The following ZFAND3 variants were observed in gnomAD, a reference collection of about 807,000 sequenced individuals.
ZFAND3 encodes AN1-type zinc finger protein 3.
Under a neutral mutation model 29.6 loss-of-function variants are expected in ZFAND3, and 10 were observed. That is an observed-to-expected ratio of 0.34 (90% CI 0.21 to 0.57). The LOEUF is 0.57. ZFAND3 is among the 20% of genes least tolerant of loss of function. The pLI, the probability that ZFAND3 is intolerant of heterozygous loss-of-function variation, is 0.86. For missense variants in ZFAND3, 230 were observed against 304.5 expected (o/e 0.76, Z 1.82); for synonymous variants, 128 against 112.6 (o/e 1.14, Z -0.87).
chr6:38,128,787 T>C (rs1203027150), intron 5 of ZFAND3, among the ~76,000 whole-genome samples: 1 of 152,208 alleles, frequency 6.6e-6, no homozygotes, highest in African/African-American at 2.4e-5. Flanking sequence ...CAATTGCAAA[T>C]TGTGCTACCA....
intron 2 of ZFAND3, among the ~76,000 whole-genome samples, chr6:38,059,081 C>T (rs562234242): frequency 1.2e-4 from 18 of 152,140 alleles, no homozygotes; most frequent in African/African-American, 3.4e-4. Context: ...CATAGAGTAG[C>T]GTTAGATTTT....
At chr6:38,137,678 AG>A (rs1765868357) in intron 5 of ZFAND3, among the ~76,000 whole-genome samples, 2 of 152,154 alleles carry the variant, frequency 1.3e-5, no homozygotes, top group Admixed American at 6.5e-5. Context: ...GATAAGGGAA[AG>A]GGGGAGCTGC....
At chr6:37,844,353 C>T (rs1258689265) in intron 1 of ZFAND3, among the ~76,000 whole-genome samples, 2 of 152,120 alleles carry the variant, frequency 1.3e-5, no homozygotes, top group African/African-American at 2.4e-5. Context: ...GCAATCTTGG[C>T]TCACTGCAAG....
At chr6:38,067,702 G>T (rs888699480) in intron 3 of ZFAND3, among the ~76,000 whole-genome samples, 1 of 152,208 alleles carries the variant, frequency 6.6e-6, no homozygotes, top group Non-Finnish European at 1.5e-5. Context: ...ATGCCAGGTT[G>T]TAGTTAGAAC....
intron 1 of ZFAND3, among the ~76,000 whole-genome samples, chr6:37,864,583 C>T (rs1764550602): frequency 6.6e-6 from 1 of 151,942 alleles, no homozygotes; most frequent in Non-Finnish European, 1.5e-5. Flanking sequence ...TCCTGTGGAA[C>T]ATGATGAGAA....
chr6:37,886,453 C>G (rs375803669), intron 1 of ZFAND3, among the ~76,000 whole-genome samples: 2 of 152,222 alleles, frequency 1.3e-5, no homozygotes, highest in South Asian at 4.1e-4. Flanking sequence ...TTTGTTAGAA[C>G]ACAAGCCTTG....
intron 4 of ZFAND3, among the ~76,000 whole-genome samples, chr6:38,109,780 G>T (rs911383331): frequency 6.6e-6 from 1 of 152,110 alleles, no homozygotes; most frequent in African/African-American, 2.4e-5. Flanking sequence ...GTGTTCTGCG[G>T]CTCTTTAAAC....
chr6:38,057,306 T>G (rs1764149638), intron 2 of ZFAND3, among the ~76,000 whole-genome samples: 1 of 152,166 alleles, frequency 6.6e-6, no homozygotes, highest in Non-Finnish European at 1.5e-5. Flanking sequence ...ATTTTCAGAG[T>G]AGACTTCTGA....
intron 3 of ZFAND3, among the ~76,000 whole-genome samples, chr6:38,077,698 C>T (rs769217305): frequency 1.4e-4 from 21 of 152,314 alleles, no homozygotes; most frequent in Admixed American, 5.2e-4. Flanking sequence ...AATAACCAGT[C>T]GTCACAGCTA....
chr6:38,024,795 G>C (rs1179453689), intron 2 of ZFAND3, among the ~76,000 whole-genome samples: 1 of 152,172 alleles, frequency 6.6e-6, no homozygotes, highest in Non-Finnish European at 1.5e-5. Flanking sequence ...TGGTTACCAG[G>C]GGCAATAGGA....
chr6:37,881,861 A>AC lies in ZFAND3; in HGVS notation c.72-48098_72-48097insC, dbSNP rs552821526. Among the ~76,000 whole-genome samples, 464 of 152,288 alleles carry AC rather than the reference A, an allele frequency of 3.0e-3. 3 individuals are homozygous for AC. The highest frequency in any genetic ancestry group is 0.011 in the African/African-American group (441 of 41,550). ...TTTCAACAATTTTAGTTAAAAAAAA[A>AC]AACATTCCTTTGGATGCTAGTATAT... is the stretch of plus-strand genomic sequence containing the variant. On this transcript the variant is annotated intron_variant, in intron 1 of 5. Coordinates refer to ENST00000287218, the MANE Select transcript of ZFAND3 (RefSeq NM_021943.3).
intron 2 of ZFAND3, among the ~76,000 whole-genome samples, chr6:38,055,248 T>A (rs1345614970): frequency 6.6e-6 from 1 of 152,202 alleles, no homozygotes; most frequent in Non-Finnish European, 1.5e-5. Context: ...AATACCAAAC[T>A]AAAGCTTCTG....
chr6:38,134,409 C>T (rs1765802249), intron 5 of ZFAND3, among the ~76,000 whole-genome samples: 1 of 152,208 alleles, frequency 6.6e-6, no homozygotes, highest in Non-Finnish European at 1.5e-5. Context: ...TGACCTTCAG[C>T]TATTTTTCTC....
chr6:38,006,468 T>C (rs771081455), intron 2 of ZFAND3, among the ~76,000 whole-genome samples: 2 of 152,178 alleles, frequency 1.3e-5, no homozygotes, highest in Non-Finnish European at 2.9e-5. Context: ...CTCTGCTGTT[T>C]CGAGTGCTTT....
At chr6:37,927,113 A>T (rs7748312) in intron 1 of ZFAND3, among the ~76,000 whole-genome samples, 25,355 of 152,162 alleles carry the variant, frequency 0.17, 2,321 homozygotes, top group East Asian at 0.33. Flanking sequence ...TTCTATCCAG[A>T]ATGTGGAATG....
At chr6:37,852,396 T>A (rs1277991119) in intron 1 of ZFAND3, among the ~76,000 whole-genome samples, 1 of 152,216 alleles carries the variant, frequency 6.6e-6, no homozygotes, top group Non-Finnish European at 1.5e-5. Context: ...CTCAGTTTTT[T>A]TGTCTATTCA....
At chr6:37,997,085 G>A (rs938093638) in intron 2 of ZFAND3, among the ~76,000 whole-genome samples, 9 of 152,304 alleles carry the variant, frequency 5.9e-5, no homozygotes, top group Admixed American at 3.3e-4. Flanking sequence ...TAGGTAGGGA[G>A]AAGTAAATTT....
At chr6:37,939,277 T>C (rs781139535) in intron 2 of ZFAND3, among the ~76,000 whole-genome samples, 1 of 152,200 alleles carries the variant, frequency 6.6e-6, no homozygotes, top group Non-Finnish European at 1.5e-5. Context: ...TCCATGCTGC[T>C]GCTTGTTTCT....
chr6:37,958,734 G>T (rs893791576), intron 2 of ZFAND3, among the ~76,000 whole-genome samples: 1 of 150,324 alleles, frequency 6.7e-6, no homozygotes, highest in East Asian at 1.9e-4. Flanking sequence ...TTTCAGGACC[G>T]CCCCCCCCTT....
Sources: gnomAD v4.1 joint callset for allele counts (sites outside exome capture counted in the v4.1 genomes callset) on GRCh38, gnomAD v4.1.1 for gene constraint, MANE v1.5 for transcripts, NCBI Gene and HGNC (gene_info 2026-07-23, HGNC 2026-07-21) for gene names.